SLC26A8: variants seen among roughly 807,000 people sequenced by gnomAD.
SLC26A8 encodes the protein solute carrier family 26 member 8.
In SLC26A8, 70 loss-of-function variants were observed where a neutral mutation model predicts 105.0. The ratio of observed to expected loss-of-function variants is 0.67; its 90% CI spans 0.55 to 0.81. The LOEUF (loss-of-function observed/expected upper bound fraction) is 0.81. SLC26A8 is among the 40% of genes least tolerant of loss of function. The pLI is 0.00. For synonymous variants in SLC26A8, 415 were observed against 438.3 expected, an observed-to-expected ratio of 0.95 and a Z score of 0.66; for missense variants, 998 against 1,181.8, an observed-to-expected ratio of 0.84 and a Z score of 2.28.
intron 5 of SLC26A8, among the ~76,000 whole-genome samples, chr6:35,995,827 T>C (rs1761336229): frequency 6.6e-6 from 1 of 151,990 alleles, no homozygotes. Flanking sequence ...CTTTTTTAGA[T>C]GAAAAAAGCT....
At chr6:35,972,828 A>C (rs1444055406) in intron 10 of SLC26A8, among the ~76,000 whole-genome samples, 1 of 152,264 alleles carries the variant, frequency 6.6e-6, no homozygotes, top group Non-Finnish European at 1.5e-5. Context: ...ATCGTCTGCC[A>C]AAACCCTCTC....
chr6:35,950,542 C>A (rs1771833441), intron 19 of SLC26A8, among the ~76,000 whole-genome samples: 1 of 152,010 alleles, frequency 6.6e-6, no homozygotes, highest in African/African-American at 2.4e-5. Flanking sequence ...GCCTCGGCCT[C>A]CCAAGGTGCT....
chr6:36,002,958 C>T (rs568981635), intron 3 of SLC26A8, among the ~76,000 whole-genome samples: 2 of 152,156 alleles, frequency 1.3e-5, no homozygotes, highest in Non-Finnish European at 2.9e-5. Flanking sequence ...CCCACCTCAG[C>T]CTTCCAAAGT....
chr6:36,006,440 C>T (rs686431), intron 3 of SLC26A8, among the ~76,000 whole-genome samples: 9,670 of 152,180 alleles, frequency 0.064, 765 homozygotes, highest in African/African-American at 0.19. Context: ...TTTTATTCAA[C>T]AAACATCTTT....
intron 17 of SLC26A8, among the ~76,000 whole-genome samples, chr6:35,954,352 T>C (rs547086390): frequency 1.2e-4 from 19 of 152,150 alleles, no homozygotes; most frequent in Non-Finnish European, 2.2e-4. Flanking sequence ...AGCCCCAAGT[T>C]TGAGGTGTCA....
intron 16 of SLC26A8, among the ~76,000 whole-genome samples, chr6:35,959,074 T>C (rs1003579070): frequency 9.2e-5 from 14 of 152,176 alleles, no homozygotes; most frequent in African/African-American, 3.4e-4. Flanking sequence ...GACCTTGCCC[T>C]AGTTGGAATC....
At chr6:36,008,678 A>G (rs1051650450) in intron 3 of SLC26A8, among the ~76,000 whole-genome samples, 10 of 152,232 alleles carry the variant, frequency 6.6e-5, no homozygotes, top group Non-Finnish European at 8.8e-5. Context: ...CTCAGATCTC[A>G]ACAGTAAAAA....
chr6:35,978,478 G>A (rs942720678), intron 8 of SLC26A8, among the ~76,000 whole-genome samples: 14 of 151,908 alleles, frequency 9.2e-5, no homozygotes, highest in Non-Finnish European at 1.3e-4. Flanking sequence ...AAATCTAAGT[G>A]TTTTAGATAA....
At position 35,951,438 on chromosome 6, in the gene SLC26A8, TACTC is replaced by T; in HGVS notation, c.2287+3_2287+6del. On this transcript the variant is annotated splice_donor_5th_base_variant and intron_variant, in intron 18 of 19. Transcript: ENST00000490799. ...AACAGCCCTCTCATAGGGTGAAGGA[TACTC>T]ACAGTGACACCCTGCAATGAGTATC... 6.2e-7 allele frequency: 1 copy of T among 1,614,076 alleles called. No homozygotes were observed. Among genetic ancestry groups the T allele is most frequent in the Non-Finnish European group, 8.5e-7 (1 of 1,180,006 alleles).
At chr6:36,005,145 T>G (rs2127362396) in intron 3 of SLC26A8, among the ~76,000 whole-genome samples, 1 of 152,270 alleles carries the variant, frequency 6.6e-6, no homozygotes, top group South Asian at 2.1e-4. Flanking sequence ...TTTCCAAACT[T>G]TCCAACACCT....
chr6:35,975,460 A>T lies in SLC26A8; in HGVS notation c.1202T>A (p.Val401Asp), dbSNP rs748872669. The T allele has an allele frequency of 6.2e-7, 1 of 1,613,472 alleles. No individual in the cohort carries two copies. Among genetic ancestry groups the T allele is most frequent in the Non-Finnish European group, 8.5e-7 (1 of 1,179,618 alleles). ...QDLIAIGLCN[V>D]VSSFFRSCVF... ...ACAAGATCTGAAAAATGAACTGACG[A>T]CATTGCAAAGGCCGATGGCTATTAA... The change falls in exon 10 of 20, where the codon GTC becomes GAC. Residue 401 changes from valine (V) to aspartate (D), a missense_variant. Val to Asp is a radical substitution (Grantham distance 152, BLOSUM62 -3). Transcript: ENST00000490799.
At chr6:35,975,334 A>T (rs1562036769) in intron 10 of SLC26A8, 41 bp downstream of exon 10, 1 of 1,139,458 alleles carries the variant, frequency 8.8e-7, no homozygotes, top group East Asian at 2.4e-5. Flanking sequence ...ATTGATATGA[A>T]TATGTTTATG....
chr6:35,969,596 CA>C (rs34494659), intron 10 of SLC26A8: 7 of 147,400 alleles, frequency 4.7e-5, no homozygotes, highest in East Asian at 2.0e-4. Flanking sequence ...GACTCCATCT[CA>C]AAAAAAAAAT....
intron 2 of SLC26A8, among the ~76,000 whole-genome samples, chr6:36,013,820 T>C (rs1761927366): frequency 6.6e-6 from 1 of 152,312 alleles, no homozygotes; most frequent in South Asian, 2.1e-4. Context: ...CTGAAGTGCA[T>C]GCTCAGACAA....
At position 36,019,648 on chromosome 6, in the gene SLC26A8, T is replaced by G; in HGVS notation, c.60A>C (p.Ser20=). 1.9e-6 allele frequency: 3 copies of G among 1,614,150 alleles called. No individual in the cohort carries two copies. The highest frequency in any genetic ancestry group is 2.5e-6 in the Non-Finnish European group (3 of 1,180,012). ...SGFSSKSRRN[S]FAYDVKREVY... ...CTTCACGCTTAACATCATATGCGAA[T>G]GAGTTTCGCCTGGACTTAGAGCTGA... The change falls in exon 2 of 20, where the codon TCA becomes TCC. Residue 20 remains serine, a synonymous_variant. Transcript: ENST00000490799.
At position 36,014,174 on chromosome 6, in the gene SLC26A8, A is replaced by T. The variant is rs540595166; in HGVS notation, c.189-1802T>A. Reference sequence around the variant, plus strand: ...TCTGTGGAGAAGAGTAGAGCATGGCACTGGAACAGTTTGTTCCTTCACCTG... The same window carrying T: ...TCTGTGGAGAAGAGTAGAGCATGGCTCTGGAACAGTTTGTTCCTTCACCTG... On this transcript the variant is annotated intron_variant, in intron 2 of 19. Transcript: ENST00000490799. Among the ~76,000 whole-genome samples, 6 of 152,274 alleles carry T rather than the reference A, an allele frequency of 3.9e-5. No homozygotes were observed. The South Asian group carries it at 1.0e-3, about 26-fold the overall frequency.
intron 7 of SLC26A8, 44 bp downstream of exon 7, chr6:35,991,615 T>G: frequency 6.9e-7 from 1 of 1,448,994 alleles, no homozygotes; most frequent in Non-Finnish European, 9.1e-7. Flanking sequence ...TTTAAAATAC[T>G]AAAATTATGC....
intron 9 of SLC26A8, 59 bp downstream of exon 9, chr6:35,977,145 A>T: frequency 6.5e-7 from 1 of 1,549,314 alleles, no homozygotes; most frequent in Non-Finnish European, 8.7e-7. Context: ...TCATGTTGGC[A>T]GGAGGCTTTG....
At chr6:35,995,404 G>C (rs1761323031) in intron 5 of SLC26A8, among the ~76,000 whole-genome samples, 1 of 152,142 alleles carries the variant, frequency 6.6e-6, no homozygotes, top group Non-Finnish European at 1.5e-5. Context: ...ATAAATAGTT[G>C]TTTCCTTCCC....
Sources: allele counts gnomAD v4.1 joint callset (sites outside exome capture counted in the v4.1 genomes callset), GRCh38; gene constraint gnomAD v4.1.1; transcripts MANE v1.5; gene names NCBI Gene and HGNC (gene_info 2026-07-23, HGNC 2026-07-21).